Variants in UBAP1 observed in about 807,000 individuals in gnomAD.
UBAP1 encodes ubiquitin associated protein 1.
UBAP1 carries 5 observed loss-of-function variants against 39.0 expected under a neutral mutation model. The observed-to-expected ratio is 0.13, with a 90% CI of 0.07 to 0.27. The LOEUF (loss-of-function observed/expected upper bound fraction) is 0.27, where lower values mean the gene tolerates loss of function less well. Among genes scored for constraint, UBAP1 ranks in the 10% least tolerant of loss-of-function variants. The pLI is 1.00. For synonymous variants in UBAP1, 211 were observed against 225.1 expected (o/e 0.94, Z 0.56); for missense variants, 490 against 608.1 (o/e 0.81, Z 2.04).
intron 2 of UBAP1, among the ~76,000 whole-genome samples, chr9:34,228,075 G>A (rs1833194469): frequency 6.6e-6 from 1 of 152,174 alleles, no homozygotes; most frequent in Admixed American, 6.5e-5. Flanking sequence ...GCTGCAGTGA[G>A]TGGTGATGAC....
chr9:34,213,902 AAACTC>A (rs201088975), intron 1 of UBAP1, among the ~76,000 whole-genome samples: 4,611 of 151,654 alleles, frequency 0.03, 223 homozygotes, highest in African/African-American at 0.11. Flanking sequence ...ATCAAATAAA[AAACTC>A]AACCCCTTTT....
intron 1 of UBAP1, among the ~76,000 whole-genome samples, chr9:34,201,933 T>C (rs1201982374): frequency 5.9e-5 from 9 of 152,162 alleles, no homozygotes; most frequent in African/African-American, 2.2e-4. Flanking sequence ...GAAACTCTTT[T>C]ATGTTTACTG....
chr9:34,198,389 CCGGGCTGCCTGGT>C (rs1831180186), intron 1 of UBAP1, among the ~76,000 whole-genome samples: 2 of 152,134 alleles, frequency 1.3e-5, no homozygotes, highest in Admixed American at 6.6e-5. Context: ...GGTTCTGTGG[CCGGGCTGCCTGGT>C]TGGGCAGGCA....
At chr9:34,200,762 C>T (rs1008112274) in intron 1 of UBAP1, among the ~76,000 whole-genome samples, 2 of 152,184 alleles carry the variant, frequency 1.3e-5, no homozygotes, top group African/African-American at 4.8e-5. Flanking sequence ...CCTTTTACTA[C>T]TCCACAGAGT....
chr9:34,212,800 C>T (rs1349245041), intron 1 of UBAP1, among the ~76,000 whole-genome samples: 1 of 152,106 alleles, frequency 6.6e-6, no homozygotes, highest in Non-Finnish European at 1.5e-5. Flanking sequence ...TGGTACCAAT[C>T]CTTCTGACAC....
intron 1 of UBAP1, among the ~76,000 whole-genome samples, chr9:34,209,473 G>A (rs1831899638): frequency 6.6e-6 from 1 of 152,136 alleles, no homozygotes; most frequent in Non-Finnish European, 1.5e-5. Flanking sequence ...GTAATGCTAT[G>A]TTATTTGGGG....
intron 4 of UBAP1, among the ~76,000 whole-genome samples, chr9:34,248,864 C>G (rs1015093354): frequency 2.0e-5 from 3 of 152,206 alleles, no homozygotes; most frequent in African/African-American, 7.2e-5. Context: ...AACATCTTCC[C>G]TGGTTCTTGG....
At chr9:34,181,809 G>A (rs908636725) in intron 1 of UBAP1, among the ~76,000 whole-genome samples, 4 of 145,574 alleles carry the variant, frequency 2.7e-5, no homozygotes, top group East Asian at 4.2e-4. Context: ...AGTTTCTTTC[G>A]TTTAGTATTT....
chr9:34,188,210 GTTTA>G (rs10534325), intron 1 of UBAP1, among the ~76,000 whole-genome samples: 51,480 of 151,006 alleles, frequency 0.34, 9,509 homozygotes, highest in East Asian at 0.73. Context: ...CACAAATACT[GTTTA>G]TTTATACAAA....
intron 1 of UBAP1, among the ~76,000 whole-genome samples, chr9:34,196,015 A>G (rs543150683): frequency 2.4e-5 from 3 of 126,362 alleles, no homozygotes; most frequent in Non-Finnish European, 4.7e-5. Flanking sequence ...TTTTGGGCTC[A>G]AGTGATCCTC....
At chr9:34,240,075 T>C (rs747966281) in intron 3 of UBAP1, among the ~76,000 whole-genome samples, 2 of 152,124 alleles carry the variant, frequency 1.3e-5, no homozygotes, top group Non-Finnish European at 2.9e-5. Context: ...TAGCCTCCAT[T>C]TTTATTAGGG....
At chr9:34,192,139 C>T (rs926287223) in intron 1 of UBAP1, among the ~76,000 whole-genome samples, 7 of 151,452 alleles carry the variant, frequency 4.6e-5, no homozygotes, top group African/African-American at 9.7e-5. Flanking sequence ...CCACGGTCCC[C>T]GGCCTGTATA....
At chr9:34,216,642 ATTTTTTTTTTTTTTTTT>A (rs57204146) in intron 1 of UBAP1, among the ~76,000 whole-genome samples, 1 of 70,186 alleles carries the variant, frequency 1.4e-5, no homozygotes, top group African/African-American at 5.1e-5. Context: ...CACCATGCTA[ATTTTTTTTTTTTTTTTT>A]TTTTTTTTTT....
intron 1 of UBAP1, among the ~76,000 whole-genome samples, chr9:34,201,003 G>A (rs940046596): frequency 1.3e-5 from 2 of 152,046 alleles, no homozygotes. Flanking sequence ...TCCGCCTCCC[G>A]GGTTCAAGTG....
intron 1 of UBAP1, among the ~76,000 whole-genome samples, chr9:34,193,902 C>T (rs933911646): frequency 6.6e-6 from 1 of 151,990 alleles, no homozygotes; most frequent in Non-Finnish European, 1.5e-5. Flanking sequence ...GGTGTTAAGA[C>T]CCACAATCAG....
chr9:34,187,264 T>C (rs1229058740), intron 1 of UBAP1, among the ~76,000 whole-genome samples: 3 of 152,232 alleles, frequency 2.0e-5, no homozygotes, highest in Admixed American at 6.6e-5. Flanking sequence ...AGGCATGTTG[T>C]TTTAATAAAT....
intron 4 of UBAP1, among the ~76,000 whole-genome samples, chr9:34,247,648 T>G (rs1834247177): frequency 6.6e-6 from 1 of 152,104 alleles, no homozygotes; most frequent in South Asian, 2.1e-4. Context: ...GGTCTTGAAC[T>G]CCCGACCTCA....
At chr9:34,240,141 C>T (rs746885545) in intron 3 of UBAP1, among the ~76,000 whole-genome samples, 6 of 152,184 alleles carry the variant, frequency 3.9e-5, no homozygotes, top group Non-Finnish European at 7.3e-5. Context: ...GTCATTGCCA[C>T]TGCTCTTTTC....
At chr9:34,209,348 G>C (rs1308138221) in intron 1 of UBAP1, among the ~76,000 whole-genome samples, 1 of 152,176 alleles carries the variant, frequency 6.6e-6, no homozygotes, top group African/African-American at 2.4e-5. Context: ...AGTGTGTCCT[G>C]CTTTCAAGAT....
Sources: gnomAD v4.1 joint callset for allele counts (sites outside exome capture counted in the v4.1 genomes callset) on GRCh38, gnomAD v4.1.1 for gene constraint, MANE v1.5 for transcripts, NCBI Gene and HGNC (gene_info 2026-07-23, HGNC 2026-07-21) for gene names.